Variants in OSCP1 observed in about 807,000 individuals in gnomAD.
OSCP1 encodes the protein organic solute carrier partner 1.
Under a neutral mutation model 45.1 loss-of-function variants are expected in OSCP1, and 35 were observed. The ratio of observed to expected loss-of-function variants is 0.78; its 90% CI spans 0.59 to 1.03. OSCP1 has a LOEUF of 1.03. Ranked by LOEUF, OSCP1 falls within the 50% of genes least tolerant of loss-of-function variation. The pLI, the probability that OSCP1 is intolerant of heterozygous loss-of-function variation, is 0.00. For synonymous variants in OSCP1, 179 were observed against 180.1 expected (o/e 0.99, Z 0.05); for missense variants, 400 against 470.7 (o/e 0.85, Z 1.39).
At chr1:36,419,604 G>A (rs1310360915) in intron 8 of OSCP1, among the ~76,000 whole-genome samples, 4 of 152,172 alleles carry the variant, frequency 2.6e-5, no homozygotes, top group Non-Finnish European at 4.4e-5. Context: ...GCATGCAAAA[G>A]TGCTCTGTAA....
chr1:36,422,861 A>G lies in OSCP1; in HGVS notation c.656T>C (p.Ile219Thr), dbSNP rs1416840. Residue 219 changes from isoleucine to threonine, a missense_variant, in exon 6 of 10, where the codon ATA (isoleucine) becomes ACA (threonine). Transcript: ENST00000235532. Reference protein sequence around the residue: ...FNNKGEEVKRIEFKHGGNYVP... With the variant: ...FNNKGEEVKRTEFKHGGNYVP... The stretch of plus-strand genomic sequence containing the variant: ...ATAGTTTCCACCATGCTTGAATTCT[A>G]TCCTCTTCACTTCTTCACCTTTGTT... 164,613 of 1,608,200 alleles carry G rather than the reference A, an allele frequency of 0.1. 9,385 individuals carry two copies. The highest frequency in any genetic ancestry group is 0.26 in the East Asian group (11,646 of 44,640).
intron 4 of OSCP1, among the ~76,000 whole-genome samples, chr1:36,427,282 G>C (rs1315128891): frequency 7.2e-6 from 1 of 138,618 alleles, no homozygotes; most frequent in Non-Finnish European, 1.5e-5. Context: ...TTACAGGCGT[G>C]AGCCATGGCG....
intron 2 of OSCP1, among the ~76,000 whole-genome samples, chr1:36,432,984 A>G (rs1321880770): frequency 6.6e-6 from 1 of 152,048 alleles, no homozygotes; most frequent in Non-Finnish European, 1.5e-5. Flanking sequence ...AAGTTTCTTA[A>G]CCTCTTTGGG....
At chr1:36,431,115 C>T (rs1648337864) in intron 4 of OSCP1, among the ~76,000 whole-genome samples, 2 of 152,186 alleles carry the variant, frequency 1.3e-5, no homozygotes, top group African/African-American at 4.8e-5. Flanking sequence ...AGTTTAGCTA[C>T]AGACAGCAAG....
chr1:36,438,840 G>A lies in OSCP1; in HGVS notation c.183C>T (p.Leu61=). The change falls in exon 2 of 10, where the codon CTC becomes CTT. Residue 61 remains leucine (L), a synonymous_variant. Coordinates refer to ENST00000235532, the MANE Select transcript of OSCP1 (RefSeq NM_145047.5). The part of the protein sequence containing the change: ...FMEELFKPQE[L]YSKKALRTVY... ...CAGTCCTCAGGGCCTTCTTGGAGTA[G>A]AGCTCTTGAGGCTTGAATAATTCCT... 1.2e-6 allele frequency: 2 copies of A among 1,614,176 alleles called. No homozygotes were observed. The highest frequency in any genetic ancestry group is 1.7e-6 in the Non-Finnish European group (2 of 1,180,006).
intron 4 of OSCP1, among the ~76,000 whole-genome samples, chr1:36,423,921 C>A (rs999593318): frequency 1.3e-5 from 2 of 151,174 alleles, no homozygotes; most frequent in Non-Finnish European, 2.9e-5. Flanking sequence ...ATTACACTTG[C>A]AGAGTTAACT....
At chr1:36,443,493 A>G (rs1045982334) in intron 1 of OSCP1, among the ~76,000 whole-genome samples, 2 of 152,180 alleles carry the variant, frequency 1.3e-5, no homozygotes, top group Non-Finnish European at 1.5e-5. Flanking sequence ...AAGCTTTTGC[A>G]TGATGAGGCC....
chr1:36,446,125 C>T (rs1036922523), intron 1 of OSCP1, among the ~76,000 whole-genome samples: 4 of 151,986 alleles, frequency 2.6e-5, no homozygotes, highest in South Asian at 2.1e-4. Flanking sequence ...CGGGTTCAAG[C>T]GATTCTCCTG....
Position 36,428,278 on chromosome 1 carries a change from T to C in OSCP1, c.516+3524A>G, listed in dbSNP as rs1002290864. Reference sequence around the variant, plus strand: ...CTTTGTCCATGGAAGGGAAATACAATAAGGCACTAAATACATTGCATTTCT... The same window carrying C: ...CTTTGTCCATGGAAGGGAAATACAACAAGGCACTAAATACATTGCATTTCT... On this transcript the variant is annotated intron_variant, in intron 4 of 9. Coordinates refer to ENST00000235532, the MANE Select transcript of OSCP1 (RefSeq NM_145047.5). 6.6e-6 allele frequency: 10 copies of C among 1,522,726 alleles called. No individual in the cohort carries two copies. In the African/African-American group the frequency reaches 1.3e-4, roughly 19 times the overall value. 94.3% of individuals were successfully genotyped at this position (1,522,726 alleles called of 1,614,324 possible).
At chr1:36,431,946 A>G (rs1051573210) in intron 3 of OSCP1, 64 bp from the exon 4 acceptor site, 8 of 1,460,682 alleles carry the variant, frequency 5.5e-6, no homozygotes, top group Non-Finnish European at 7.5e-6. Flanking sequence ...ACGCACCGGC[A>G]GGGCAGATGG....
rs530237378 is a variant in OSCP1, at chr1:36,445,221, A to T, written c.112+5037T>A. On this transcript the variant is annotated intron_variant, in intron 1 of 9. Coordinates refer to ENST00000235532, the MANE Select transcript of OSCP1 (RefSeq NM_145047.5). ...AAAAATTAGCTGGGTGTGGTGGTGC[A>T]CACCTATAGTCTCAGCTACTTGGGA... Among the ~76,000 whole-genome samples, 6 of 152,294 alleles carry T rather than the reference A, an allele frequency of 3.9e-5. No individual in the cohort carries two copies. In the East Asian group the frequency reaches 1.2e-3, roughly 29 times the overall value.
intron 4 of OSCP1, among the ~76,000 whole-genome samples, chr1:36,430,754 A>G (rs1648310957): frequency 6.6e-6 from 1 of 152,168 alleles, no homozygotes; most frequent in South Asian, 2.1e-4. Context: ...TCCTGGGTTC[A>G]AGCAATTCTC....
intron 6 of OSCP1, 87 bp from the exon 7 acceptor site, chr1:36,422,306 T>C (rs1425032378): frequency 3.3e-6 from 4 of 1,229,310 alleles, no homozygotes; most frequent in Non-Finnish European, 3.6e-6. Flanking sequence ...GTAGCTTTTA[T>C]TCTGAGACAT....
At position 36,431,790 on chromosome 1, in the gene OSCP1, C is replaced by G; in HGVS notation, c.516+12G>C. On this transcript the variant is annotated intron_variant, in intron 4 of 9. Coordinates refer to ENST00000235532, the MANE Select transcript of OSCP1 (RefSeq NM_145047.5). Reference sequence around the variant, plus strand: ...AGCTCCTGAGTGTTCCCAGGGCTGCCTATTGACTTACTCGGATGTGCAGGT... The same window carrying G: ...AGCTCCTGAGTGTTCCCAGGGCTGCGTATTGACTTACTCGGATGTGCAGGT... 6.2e-7 allele frequency: 1 copy of G among 1,612,872 alleles called. No individual in the cohort carries two copies. Among genetic ancestry groups the G allele is most frequent in the South Asian group, 1.1e-5 (1 of 90,984 alleles).
At chr1:36,425,060 C>T (rs1415940569) in intron 4 of OSCP1, among the ~76,000 whole-genome samples, 4 of 151,466 alleles carry the variant, frequency 2.6e-5, no homozygotes, top group Non-Finnish European at 4.4e-5. Flanking sequence ...GTAATCCCAG[C>T]TACTCACAAG....
At position 36,434,712 on chromosome 1, in the gene OSCP1, T is replaced by C. The variant is rs527681408; in HGVS notation, c.268-2123A>G. On this transcript the variant is annotated intron_variant, in intron 2 of 9. Transcript: ENST00000235532. ...TTGCAGTGAGCCGAGTTAGTGCCAC[T>C]GCACTCTAGCCTGGGTGACAGAGTG... 1.7e-4 allele frequency among the ~76,000 whole-genome samples: 23 copies of C among 135,002 alleles called. No individual in the cohort carries two copies. The East Asian group carries it at 4.5e-3, about 26-fold the overall frequency. 88.6% of individuals were successfully genotyped at this position (135,002 alleles called of 152,430 possible).
intron 8 of OSCP1, 134 bp from the exon 9 acceptor site, chr1:36,419,188 T>C: frequency 2.6e-6 from 2 of 775,302 alleles, no homozygotes; most frequent in Non-Finnish European, 4.5e-6. Flanking sequence ...TTCTACCCCA[T>C]CTCCCACCAA....
At chr1:36,433,594 A>G (rs1648521174) in intron 2 of OSCP1, among the ~76,000 whole-genome samples, 1 of 152,212 alleles carries the variant, frequency 6.6e-6, no homozygotes, top group South Asian at 2.1e-4. Flanking sequence ...AGACCTCAGG[A>G]TCACGCAATA....
At position 36,432,597 on chromosome 1, in the gene OSCP1, C is replaced by A. The variant is rs770193473; in HGVS notation, c.268-8G>T. The A allele has an allele frequency of 4.3e-6, 7 of 1,613,962 alleles. No individual in the cohort carries two copies. The highest frequency in any genetic ancestry group is 3.3e-4 in the Middle Eastern group (2 of 6,084). On this transcript the variant is annotated splice_polypyrimidine_tract_variant and splice_region_variant and intron_variant, in intron 2 of 9. Coordinates refer to ENST00000235532, the MANE Select transcript of OSCP1 (RefSeq NM_145047.5). Reference sequence around the variant, plus strand: ...GGTCATCAGGTCATAGAGCTGCCAACCCACACACAAGCAAAAGAAATGGGA... The same window carrying A: ...GGTCATCAGGTCATAGAGCTGCCAAACCACACACAAGCAAAAGAAATGGGA...
Sources: gnomAD v4.1 joint callset for allele counts (sites outside exome capture counted in the v4.1 genomes callset) on GRCh38, gnomAD v4.1.1 for gene constraint, MANE v1.5 for transcripts, NCBI Gene and HGNC (gene_info 2026-07-23, HGNC 2026-07-21) for gene names.